UBE2E2: variants seen among roughly 807,000 people sequenced by gnomAD.
UBE2E2 encodes ubiquitin conjugating enzyme E2 E2, also known as ubiquitin-conjugating enzyme E2 E2.
A neutral mutation model predicts 24.7 loss-of-function variants in UBE2E2; 6 were observed. That is an observed-to-expected ratio of 0.24 (90% CI 0.13 to 0.48). UBE2E2 has a LOEUF of 0.48. Ranked by LOEUF, UBE2E2 falls within the 20% of genes least tolerant of loss-of-function variation. The pLI is 0.99. For synonymous variants in UBE2E2, 104 were observed against 83.6 expected, an observed-to-expected ratio of 1.24 and a Z score of -1.33; for missense variants, 169 against 245.0, an observed-to-expected ratio of 0.69 and a Z score of 2.07.
At chr3:23,368,164 A>AT in intron 3 of UBE2E2, among the ~76,000 whole-genome samples, 1 of 152,010 alleles carries the variant, frequency 6.6e-6, no homozygotes, top group Non-Finnish European at 1.5e-5. Context: ...ATTTACTCTT[A>AT]ATTATTTATA....
chr3:23,332,675 GTGTGTGTGTGTGTGTGTGTGTGTGT>G (rs1319787236), intron 3 of UBE2E2, among the ~76,000 whole-genome samples: 4 of 106,466 alleles, frequency 3.8e-5, no homozygotes, highest in Admixed American at 2.4e-4. Context: ...AGCCAGTGGG[GTGTGTGTGTGTGTGTGTGTGTGTGT>G]GTGTGTGTGT....
chr3:23,265,258 G>A (rs1381131664), intron 3 of UBE2E2, among the ~76,000 whole-genome samples: 1 of 152,154 alleles, frequency 6.6e-6, no homozygotes, highest in East Asian at 1.9e-4. Context: ...AACTTGAAGG[G>A]GATGGAATTC....
chr3:23,417,332 C>T (rs1434148430), intron 3 of UBE2E2, among the ~76,000 whole-genome samples: 2 of 152,200 alleles, frequency 1.3e-5, no homozygotes, highest in Admixed American at 6.5e-5. Flanking sequence ...CTGGAGTTTG[C>T]TGGAGGTCCA....
chr3:23,414,433 A>C (rs1018494034), intron 3 of UBE2E2, among the ~76,000 whole-genome samples: 3 of 152,198 alleles, frequency 2.0e-5, no homozygotes, highest in Admixed American at 1.3e-4. Context: ...TTTCAGAAAC[A>C]GGGATGGTGG....
intron 5 of UBE2E2, among the ~76,000 whole-genome samples, chr3:23,568,185 G>C (rs750239806): frequency 6.6e-6 from 1 of 152,154 alleles, no homozygotes; most frequent in Non-Finnish European, 1.5e-5. Flanking sequence ...ATTCCCACAC[G>C]TGGTGGAGAC....
At chr3:23,297,191 T>A (rs1334757218) in intron 3 of UBE2E2, among the ~76,000 whole-genome samples, 1 of 152,164 alleles carries the variant, frequency 6.6e-6, no homozygotes, top group Non-Finnish European at 1.5e-5. Flanking sequence ...TTGAGATCAT[T>A]GTAGATTCTG....
At chr3:23,404,159 T>C (rs1238806552) in intron 3 of UBE2E2, among the ~76,000 whole-genome samples, 4 of 152,156 alleles carry the variant, frequency 2.6e-5, no homozygotes, top group Non-Finnish European at 2.9e-5. Flanking sequence ...CACACATATG[T>C]ACACATTCAT....
chr3:23,296,341 T>C (rs1698907685), intron 3 of UBE2E2, among the ~76,000 whole-genome samples: 2 of 152,136 alleles, frequency 1.3e-5, no homozygotes, highest in Non-Finnish European at 2.9e-5. Context: ...GTATGTTAAG[T>C]TTTAGGGTAC....
rs1238384427 is a variant in UBE2E2 at position 23,407,642 on chromosome 3, C to CATGTGT, written c.228-91966_228-91965insATGTGT. Among the ~76,000 whole-genome samples the CATGTGT allele has an allele frequency of 5.9e-5, 7 of 119,290 alleles. No individual in the cohort carries two copies. The highest frequency in any genetic ancestry group is 2.5e-4 in the African/African-American group (7 of 27,454). 78.3% of individuals were successfully genotyped at this position (119,290 alleles called of 152,430 possible). On this transcript the variant is annotated intron_variant, in intron 3 of 5. Transcript: ENST00000396703. This position sits in a 1 kb window ranked among gnomAD's most constrained non-coding sequence, Gnocchi z 4.0. Reference sequence around the variant, plus strand: ...ATGTGTGTGTGTTTGTGTGTGCATGCGTGCATGTGTGTGTGTGTGTGTGTG... The same window carrying CATGTGT: ...ATGTGTGTGTGTTTGTGTGTGCATGCATGTGTGTGCATGTGTGTGTGTGTGTGTGTG...
chr3:23,545,200 C>T lies in UBE2E2; in HGVS notation c.508+12499C>T, dbSNP rs1205881459. Among the ~76,000 whole-genome samples the T allele has an allele frequency of 2.6e-5, 4 of 152,238 alleles. No homozygotes were observed. The South Asian group carries it at 6.2e-4, about 24-fold the overall frequency. On this transcript the variant is annotated intron_variant, in intron 5 of 5. Coordinates refer to ENST00000396703, the MANE Select transcript of UBE2E2 (RefSeq NM_152653.4). Reference sequence around the variant, plus strand: ...TTCCTCTTATACTAATCCTCCTCAGCACAGACCCTTTACGGGTGTCGGGCT... The same window carrying T: ...TTCCTCTTATACTAATCCTCCTCAGTACAGACCCTTTACGGGTGTCGGGCT...
intron 3 of UBE2E2, among the ~76,000 whole-genome samples, chr3:23,357,685 AC>A (rs2125328078): frequency 6.6e-6 from 1 of 152,204 alleles, no homozygotes; most frequent in East Asian, 1.9e-4. Flanking sequence ...GAATGGAGAG[AC>A]CATTAAAAGA....
At chr3:23,496,557 T>C (rs189590272) in intron 3 of UBE2E2, among the ~76,000 whole-genome samples, 1 of 152,356 alleles carries the variant, frequency 6.6e-6, no homozygotes, top group African/African-American at 2.4e-5. Flanking sequence ...AGATTCTTTT[T>C]AGTCTTAATT....
intron 5 of UBE2E2, among the ~76,000 whole-genome samples, chr3:23,579,384 C>CA (rs796492703): frequency 0.014 from 1,201 of 86,872 alleles, 13 homozygotes; most frequent in East Asian, 0.051. Context: ...GACTCCATCT[C>CA]AAAAAAAAAA....
chr3:23,378,392 A>G (rs1424840480), intron 3 of UBE2E2, among the ~76,000 whole-genome samples: 1 of 152,162 alleles, frequency 6.6e-6, no homozygotes, highest in African/African-American at 2.4e-5. Flanking sequence ...GATGTTGATT[A>G]TACTCTAAAG....
At chr3:23,300,125 C>G (rs1296044224) in intron 3 of UBE2E2, among the ~76,000 whole-genome samples, 1 of 152,032 alleles carries the variant, frequency 6.6e-6, no homozygotes, top group Admixed American at 6.5e-5. Flanking sequence ...TTTTTGTCTT[C>G]CATTTGCTTG....
intron 5 of UBE2E2, among the ~76,000 whole-genome samples, chr3:23,558,596 C>G (rs137919394): frequency 6.8e-4 from 103 of 152,220 alleles, no homozygotes; most frequent in African/African-American, 2.5e-3. Flanking sequence ...TTTATAGAAT[C>G]TTATTCTTAC....
chr3:23,507,544 C>T (rs573539218), intron 4 of UBE2E2, among the ~76,000 whole-genome samples: 2 of 152,290 alleles, frequency 1.3e-5, no homozygotes, highest in East Asian at 3.9e-4. Flanking sequence ...TTATTACCCC[C>T]ACTTCATGGA....
intron 3 of UBE2E2, among the ~76,000 whole-genome samples, chr3:23,355,374 A>G (rs1695912726): frequency 6.6e-6 from 1 of 152,170 alleles, no homozygotes; most frequent in African/African-American, 2.4e-5. Context: ...TTAAAGTATA[A>G]TAATAATGAA....
intron 3 of UBE2E2, among the ~76,000 whole-genome samples, chr3:23,254,055 C>T (rs563344331): frequency 6.6e-6 from 1 of 152,312 alleles, no homozygotes; most frequent in Non-Finnish European, 1.5e-5. Flanking sequence ...AAGAAATGTG[C>T]TATTGACATG....
Sources: allele counts gnomAD v4.1 joint callset (sites outside exome capture counted in the v4.1 genomes callset), GRCh38; gene constraint gnomAD v4.1.1; non-coding constraint Gnocchi (gnomAD v3.1); transcripts MANE v1.5; gene names NCBI Gene and HGNC (gene_info 2026-07-23, HGNC 2026-07-21).